HS6ST3: variants seen among roughly 807,000 people sequenced by gnomAD.
HS6ST3 encodes heparan-sulfate 6-O-sulfotransferase 3.
HS6ST3 carries 12 observed loss-of-function variants against 36.7 expected under a neutral mutation model. That is an observed-to-expected ratio of 0.33 (90% confidence interval 0.21 to 0.53). HS6ST3 has a LOEUF of 0.53. Ranked by LOEUF, HS6ST3 falls within the 20% of genes least tolerant of loss-of-function variation. The pLI, the probability that HS6ST3 is intolerant of heterozygous loss-of-function variation, is 0.95. For synonymous variants in HS6ST3, 240 were observed against 257.5 expected (o/e 0.93, Z 0.65); for missense variants, 584 against 640.9 (o/e 0.91, Z 0.96).
chr13:96,650,650 A>G (rs529401205), intron 1 of HS6ST3, among the ~76,000 whole-genome samples: 1 of 152,182 alleles, frequency 6.6e-6, no homozygotes, highest in Admixed American at 6.6e-5. Flanking sequence ...ATGGAAACTT[A>G]AAACAGGCAG....
chr13:96,654,246 C>G (rs2056617141), intron 1 of HS6ST3, among the ~76,000 whole-genome samples: 1 of 152,098 alleles, frequency 6.6e-6, no homozygotes, highest in Admixed American at 6.6e-5. Flanking sequence ...GCTTTTGTTG[C>G]CATTGCTTTT....
intron 1 of HS6ST3, among the ~76,000 whole-genome samples, chr13:96,747,302 G>GAA (rs139011001): frequency 6.6e-6 from 1 of 151,842 alleles, no homozygotes; most frequent in Non-Finnish European, 1.5e-5. Context: ...GAAATATGAA[G>GAA]AAAAAAGATC....
intron 1 of HS6ST3, among the ~76,000 whole-genome samples, chr13:96,417,446 C>G (rs2139465806): frequency 6.6e-6 from 1 of 152,126 alleles, no homozygotes; most frequent in South Asian, 2.1e-4. Context: ...ATATGGCTGT[C>G]AATGTAGCAC....
intron 1 of HS6ST3, among the ~76,000 whole-genome samples, chr13:96,657,235 T>A (rs1379899385): frequency 6.6e-6 from 1 of 152,054 alleles, no homozygotes; most frequent in South Asian, 2.1e-4. Flanking sequence ...AAAAAAGATA[T>A]TGTCTTACCA....
At chr13:96,140,366 T>C (rs1222516041) in intron 1 of HS6ST3, among the ~76,000 whole-genome samples, 2 of 152,172 alleles carry the variant, frequency 1.3e-5, no homozygotes, top group Admixed American at 1.3e-4. Context: ...TAATTCAGTT[T>C]ACTAGACAGC....
chr13:96,515,837 G>A (rs2056070153), intron 1 of HS6ST3, among the ~76,000 whole-genome samples: 1 of 152,094 alleles, frequency 6.6e-6, no homozygotes, highest in South Asian at 2.1e-4. Context: ...CCCAGCCTTA[G>A]GTATGTCTTT....
intron 1 of HS6ST3, among the ~76,000 whole-genome samples, chr13:96,767,831 A>C (rs1877153693): frequency 6.6e-6 from 1 of 152,214 alleles, no homozygotes; most frequent in Non-Finnish European, 1.5e-5. Context: ...AAGAAATTGT[A>C]CTCAGAGCTG....
Position 96,706,413 on chromosome 13 carries a change from T to TTTTATATA in HS6ST3, c.708-126076_708-126075insTTATATAT, listed in dbSNP as rs5805987. On this transcript the variant is annotated intron_variant, in intron 1 of 1. Coordinates refer to ENST00000376705, the MANE Select transcript of HS6ST3 (RefSeq NM_153456.4). ...TATATAAAATATAATAGAATATATTTTATATATATATATATATATATATAT... is the reference window on the plus strand; with the variant it reads ...TATATAAAATATAATAGAATATATTTTTTATATATATATATATATATATATATATATAT... Among the ~76,000 whole-genome samples, 13 of 121,026 alleles carry TTTTATATA rather than the reference T, an allele frequency of 1.1e-4. No individual in the cohort carries two copies. In the East Asian group the frequency reaches 1.4e-3, roughly 13 times the overall value. 79.4% of individuals were successfully genotyped at this position (121,026 alleles called of 152,430 possible). A position where few individuals can be genotyped will look rare whatever the true frequency, so the allele number is the denominator to read the frequency against.
At chr13:96,554,008 G>A (rs956518433) in intron 1 of HS6ST3, among the ~76,000 whole-genome samples, 4 of 152,220 alleles carry the variant, frequency 2.6e-5, no homozygotes, top group Admixed American at 6.5e-5. Context: ...GTGTGCGCGT[G>A]CATGTGCGAG....
At chr13:96,256,145 G>A (rs1443032161) in intron 1 of HS6ST3, among the ~76,000 whole-genome samples, 1 of 152,164 alleles carries the variant, frequency 6.6e-6, no homozygotes, top group Non-Finnish European at 1.5e-5. Flanking sequence ...TTGTATAGAC[G>A]ATGGTAGTGC....
chr13:96,566,908 C>G (rs1277195630), intron 1 of HS6ST3, among the ~76,000 whole-genome samples: 1 of 151,964 alleles, frequency 6.6e-6, no homozygotes, highest in Non-Finnish European at 1.5e-5. Context: ...TAAATATATC[C>G]AATTTTTCTT....
intron 1 of HS6ST3, among the ~76,000 whole-genome samples, chr13:96,446,674 C>T (rs1281201608): frequency 6.6e-6 from 1 of 152,110 alleles, no homozygotes; most frequent in African/African-American, 2.4e-5. Context: ...TTGATGGGTC[C>T]AGGAGAGCAG....
At chr13:96,160,010 T>G (rs779773492) in intron 1 of HS6ST3, among the ~76,000 whole-genome samples, 2 of 152,224 alleles carry the variant, frequency 1.3e-5, no homozygotes, top group Non-Finnish European at 2.9e-5. Flanking sequence ...CAATAGAATC[T>G]ATTTTGTAAT....
intron 1 of HS6ST3, among the ~76,000 whole-genome samples, chr13:96,192,165 G>C (rs548395313): frequency 2.0e-5 from 3 of 152,212 alleles, no homozygotes; most frequent in African/African-American, 7.2e-5. Context: ...AAGGATTAAA[G>C]GAGATAACAA....
chr13:96,318,700 A>G (rs1283629764), intron 1 of HS6ST3, among the ~76,000 whole-genome samples: 2 of 151,998 alleles, frequency 1.3e-5, no homozygotes, highest in African/African-American at 4.8e-5. Context: ...AGATGGTTGT[A>G]AATGTGTGGC....
chr13:96,512,074 T>TTA (rs1362310495), intron 1 of HS6ST3, among the ~76,000 whole-genome samples: 1 of 152,178 alleles, frequency 6.6e-6, no homozygotes, highest in Non-Finnish European at 1.5e-5. Context: ...AGACATATAA[T>TTA]TATATATAGA....
chr13:96,520,335 C>CG (rs60768333), intron 1 of HS6ST3, among the ~76,000 whole-genome samples: 120,124 of 152,074 alleles, frequency 0.79, 49,308 homozygotes, highest in Non-Finnish European at 0.9. Context: ...CTTGGCTATG[C>CG]GGGCTCTGTT....
chr13:96,479,682 G>A (rs2055881113), intron 1 of HS6ST3, among the ~76,000 whole-genome samples: 1 of 152,140 alleles, frequency 6.6e-6, no homozygotes, highest in South Asian at 2.1e-4. Flanking sequence ...CAAGCAGATG[G>A]TATTAGATTA....
intron 1 of HS6ST3, among the ~76,000 whole-genome samples, chr13:96,132,121 T>TACACACACAC (rs60692669): frequency 3.3e-4 from 44 of 134,598 alleles, no homozygotes; most frequent in South Asian, 5.4e-4. Context: ...AGTATTCCAG[T>TACACACACAC]ACACACACAC....
Sources: gnomAD v4.1 joint callset for allele counts (sites outside exome capture counted in the v4.1 genomes callset) on GRCh38, gnomAD v4.1.1 for gene constraint, MANE v1.5 for transcripts, NCBI Gene and HGNC (gene_info 2026-07-23, HGNC 2026-07-21) for gene names.